The following PTPRD variants were observed in gnomAD, a reference collection of about 807,000 sequenced individuals.
PTPRD encodes protein tyrosine phosphatase receptor type D.
A neutral mutation model predicts 214.5 loss-of-function variants in PTPRD; 34 were observed. That is an observed-to-expected ratio of 0.16 (90% CI 0.12 to 0.21). The LOEUF is 0.21. Ranked by LOEUF, PTPRD falls within the 10% of genes least tolerant of loss-of-function variation. The pLI is 1.00. For missense variants in PTPRD, 2,545 were observed against 2,398.7 expected, an observed-to-expected ratio of 1.06 and a Z score of -1.27; for synonymous variants, 1,128 against 845.7, an observed-to-expected ratio of 1.33 and a Z score of -5.79.
At chr9:9,813,571 G>C (rs1291161928) in intron 5 of PTPRD, among the ~76,000 whole-genome samples, 1 of 151,892 alleles carries the variant, frequency 6.6e-6, no homozygotes, top group Non-Finnish European at 1.5e-5. Context: ...GAGTAATGAA[G>C]AAATAGAAAA....
At chr9:9,404,058 C>G (rs1341542176) in intron 8 of PTPRD, among the ~76,000 whole-genome samples, 1 of 151,560 alleles carries the variant, frequency 6.6e-6, no homozygotes, top group African/African-American at 2.4e-5. Context: ...ATTCAAGCAA[C>G]AGAAAGAAGG....
chr9:9,542,184 T>A (rs2077740619), intron 8 of PTPRD, among the ~76,000 whole-genome samples: 1 of 151,726 alleles, frequency 6.6e-6, no homozygotes, highest in East Asian at 1.9e-4. Flanking sequence ...AGAAAGATTA[T>A]CGCAACAAAC....
chr9:10,518,626 A>G (rs971545088), intron 2 of PTPRD, among the ~76,000 whole-genome samples: 66 of 150,982 alleles, frequency 4.4e-4, no homozygotes, highest in East Asian at 7.8e-4. Context: ...TCCGCCTCCC[A>G]GGTTCACGCC....
rs2091770171 is a variant in PTPRD, at chr9:8,398,657, T to C, written c.4210+5880A>G. On this transcript the variant is annotated intron_variant, in intron 36 of 45. Coordinates refer to ENST00000381196, the MANE Select transcript of PTPRD (RefSeq NM_002839.4). Reference sequence around the variant, plus strand: ...GGGATTAGGATCCTTATAAAAAAGCTTGAAAGATTAAGTTTGCCCTTTTTC... The same window carrying C: ...GGGATTAGGATCCTTATAAAAAAGCCTGAAAGATTAAGTTTGCCCTTTTTC... Among the ~76,000 whole-genome samples the C allele has an allele frequency of 2.0e-5, 3 of 152,282 alleles. No individual in the cohort carries two copies. In the South Asian group the frequency reaches 6.2e-4, roughly 32 times the overall value.
intron 4 of PTPRD, among the ~76,000 whole-genome samples, chr9:9,988,785 C>A (rs2095807898): frequency 1.3e-5 from 2 of 151,766 alleles, no homozygotes; most frequent in African/African-American, 2.4e-5. Context: ...CATTTATTTT[C>A]TTTGTTCTAA....
At chr9:9,772,452 A>C (rs2098759699) in intron 5 of PTPRD, among the ~76,000 whole-genome samples, 1 of 152,258 alleles carries the variant, frequency 6.6e-6, no homozygotes, top group Admixed American at 6.5e-5. Context: ...TTTTATCCTT[A>C]GTGTTCTTGC....
At chr9:8,465,191 T>A (rs2096521504) in intron 32 of PTPRD, among the ~76,000 whole-genome samples, 1 of 151,898 alleles carries the variant, frequency 6.6e-6, no homozygotes, top group East Asian at 1.9e-4. Flanking sequence ...TTGTGTTACA[T>A]CAGAAGGTAT....
intron 11 of PTPRD, among the ~76,000 whole-genome samples, chr9:8,772,018 G>A (rs2095247514): frequency 6.6e-6 from 1 of 151,886 alleles, no homozygotes; most frequent in African/African-American, 2.4e-5. Flanking sequence ...CACCTACCCT[G>A]ATGTGATTAT....
intron 12 of PTPRD, among the ~76,000 whole-genome samples, chr9:8,638,405 G>A (rs1333022293): frequency 6.6e-6 from 1 of 151,796 alleles, no homozygotes; most frequent in Non-Finnish European, 1.5e-5. Flanking sequence ...TCCTATCTAA[G>A]CTCCACCAAT....
intron 8 of PTPRD, among the ~76,000 whole-genome samples, chr9:9,482,085 T>C (rs1399793535): frequency 1.3e-5 from 2 of 152,014 alleles, no homozygotes; most frequent in African/African-American, 4.8e-5. Flanking sequence ...GCCCTAGCAG[T>C]TCCCCGAGAA....
chr9:9,984,070 TA>T (rs2154069793), intron 4 of PTPRD, among the ~76,000 whole-genome samples: 1 of 152,286 alleles, frequency 6.6e-6, no homozygotes, highest in African/African-American at 2.4e-5. Flanking sequence ...TTAATTGTTT[TA>T]TTCATACTGT....
chr9:10,604,439 T>G (rs1321402334), intron 2 of PTPRD, among the ~76,000 whole-genome samples: 4 of 151,408 alleles, frequency 2.6e-5, no homozygotes, highest in Non-Finnish European at 5.9e-5. Flanking sequence ...TATGGGAAAA[T>G]AGGAAGACTT....
chr9:10,279,834 A>G (rs1017227398), intron 3 of PTPRD, among the ~76,000 whole-genome samples: 2 of 152,112 alleles, frequency 1.3e-5, no homozygotes, highest in African/African-American at 4.8e-5. Flanking sequence ...CTGAATTGAT[A>G]CTTTCATCAT....
intron 12 of PTPRD, among the ~76,000 whole-genome samples, chr9:8,696,033 G>A (rs2154386097): frequency 6.6e-6 from 1 of 152,276 alleles, no homozygotes. Context: ...ACTCCAGTAT[G>A]ACACCTGACA....
At chr9:9,522,942 G>T (rs1344335387) in intron 8 of PTPRD, among the ~76,000 whole-genome samples, 2 of 152,118 alleles carry the variant, frequency 1.3e-5, no homozygotes, top group African/African-American at 2.4e-5. Context: ...TGACAGGGAA[G>T]GTGGAAAAGC....
rs2132236554 is a variant in PTPRD, at chr9:8,339,031, T to C, written c.5270A>G (p.Tyr1757Cys). 1 of 1,611,784 alleles carries C rather than the reference T, an allele frequency of 6.2e-7. No individual in the cohort carries two copies. Among genetic ancestry groups the C allele is most frequent in the Non-Finnish European group, 8.5e-7 (1 of 1,178,482 alleles). ...REMGREKCHQYWPAERSARYQ... is the reference protein window; with the variant it reads ...REMGREKCHQCWPAERSARYQ... Reference sequence around the variant, plus strand: ...TCTTGCAGACCGTTCTGCTGGCCAGTATTGGTGACATTTCTCCTAAAAGGA... The same window carrying C: ...TCTTGCAGACCGTTCTGCTGGCCAGCATTGGTGACATTTCTCCTAAAAGGA... The change falls in exon 43 of 46, where the codon TAC becomes TGC. Residue 1757 changes from tyrosine to cysteine, a missense_variant. Tyr to Cys is a radical substitution (Grantham distance 194). Coordinates refer to ENST00000381196, the MANE Select transcript of PTPRD (RefSeq NM_002839.4).
At chr9:9,641,885 T>A (rs1385318529) in intron 7 of PTPRD, among the ~76,000 whole-genome samples, 2 of 151,970 alleles carry the variant, frequency 1.3e-5, no homozygotes, top group Non-Finnish European at 2.9e-5. Context: ...TTACTGAGAC[T>A]CCAGAGGAAG....
Position 10,480,553 on chromosome 9 carries a change from GAAGA to G in PTPRD, c.-600+131841_-600+131844del, listed in dbSNP as rs1488324487. Among the ~76,000 whole-genome samples the G allele has an allele frequency of 7.2e-5, 11 of 151,786 alleles. 1 individual carries two copies. The East Asian group carries it at 9.7e-4, about 13-fold the overall frequency. On this transcript the variant is annotated intron_variant, in intron 2 of 45. Coordinates refer to ENST00000381196, the MANE Select transcript of PTPRD (RefSeq NM_002839.4). ...TTTTATAAACTTCCGAAGAAATAAG[GAAGA>G]AAGAAAGCATGCAAAAGACAATGAA...
At chr9:8,796,452 A>C (rs926904888) in intron 11 of PTPRD, among the ~76,000 whole-genome samples, 2 of 152,136 alleles carry the variant, frequency 1.3e-5, no homozygotes, top group South Asian at 4.1e-4. Context: ...AGCAGCTCAG[A>C]GTAAGTGAGT....
Sources: allele counts gnomAD v4.1 joint callset (sites outside exome capture counted in the v4.1 genomes callset), GRCh38; gene constraint gnomAD v4.1.1; transcripts MANE v1.5; gene names NCBI Gene and HGNC (gene_info 2026-07-23, HGNC 2026-07-21).